The following UBE2Z variants were observed in gnomAD, a reference collection of about 807,000 sequenced individuals.
UBE2Z encodes the protein ubiquitin conjugating enzyme E2 Z.
UBE2Z carries 10 observed loss-of-function variants against 32.6 expected under a neutral mutation model. The observed-to-expected ratio is 0.31, with a 90% confidence interval of 0.19 to 0.52. UBE2Z has a LOEUF of 0.52. Ranked by LOEUF, UBE2Z falls within the 20% of genes least tolerant of loss-of-function variation. UBE2Z has a pLI of 0.97. For synonymous variants in UBE2Z, 183 were observed against 190.8 expected (o/e 0.96, Z 0.34); for missense variants, 343 against 480.9 (o/e 0.71, Z 2.68).
intron 4 of UBE2Z, among the ~76,000 whole-genome samples, chr17:48,916,586 TTTTTG>T (rs77094622): frequency 1.4e-3 from 208 of 149,042 alleles, no homozygotes; most frequent in African/African-American, 3.3e-3. Context: ...TGGGAGGTTT[TTTTTG>T]TTTTGTTTTG....
intron 6 of UBE2Z, among the ~76,000 whole-genome samples, chr17:48,924,747 G>A (rs2040785673): frequency 6.7e-6 from 1 of 149,466 alleles, no homozygotes; most frequent in South Asian, 2.1e-4. Context: ...TTGGGAAGCT[G>A]AGGGATGAGA....
At chr17:48,923,170 A>C in intron 6 of UBE2Z, 1 of 337,672 alleles carries the variant, frequency 3.0e-6, no homozygotes, top group Non-Finnish European at 5.7e-6. Context: ...AAATACAAAA[A>C]ATTAGCCGGG....
chr17:48,910,728 T>C (rs1430955091), intron 1 of UBE2Z, 80 bp from the exon 2 acceptor site: 20 of 1,093,074 alleles, frequency 1.8e-5, no homozygotes, highest in Non-Finnish European at 2.5e-5. Flanking sequence ...ATTGAGGTGA[T>C]AACAACTGTC....
chr17:48,908,576 G>A lies in UBE2Z; in HGVS notation c.73G>A (p.Ala25Thr). 1 of 1,240,476 alleles carries A rather than the reference G, an allele frequency of 8.1e-7. No individual in the cohort carries two copies. Among genetic ancestry groups the A allele is most frequent in the Non-Finnish European group, 1.0e-6 (1 of 989,482 alleles). 76.8% of individuals were successfully genotyped at this position (1,240,476 alleles called of 1,614,324 possible). A position where few individuals can be genotyped will look rare whatever the true frequency, so the allele number is the denominator to read the frequency against. Residue 25 changes from alanine (A) to threonine (T), a missense_variant, in exon 1 of 7, where the codon GCT becomes ACT. Coordinates refer to ENST00000360943, the MANE Select transcript of UBE2Z (RefSeq NM_023079.5). ...GAAGPGASSV[A>T]GVVGVSGSGG... ...GGCGGGCCCCGGGGCGAGCAGCGTT[G>A]CTGGTGTTGTTGGCGTTAGCGGCAG...
In UBE2Z at chr17:48,922,864, C is replaced by A; in HGVS notation, c.821C>A (p.Ser274Tyr). Residue 274 changes from serine to tyrosine, a missense_variant, in exon 6 of 7, where the codon TCC becomes TAC. Physicochemically the swap from Ser to Tyr is moderately radical, Grantham distance 144. Transcript: ENST00000360943. ...TTTTCCAGAGGGGTGATGGAGAAGT[C>A]CTTTCTGGAGTATTACGACTTCTAC... ...PEPLRGVMEK[S>Y]FLEYYDFYEV... 6.2e-7 allele frequency: 1 copy of A among 1,612,166 alleles called. No individual in the cohort carries two copies. The highest frequency in any genetic ancestry group is 8.5e-7 in the Non-Finnish European group (1 of 1,178,648).
intron 4 of UBE2Z, among the ~76,000 whole-genome samples, chr17:48,918,373 A>G (rs12451879): frequency 0.41 from 62,559 of 151,826 alleles, 15,405 homozygotes; most frequent in East Asian, 0.71. Context: ...TCACTCCATC[A>G]CTCAGGCTGG....
rs2040756589 is a variant in UBE2Z at position 48,921,265 on chromosome 17, C to T, written c.796C>T (p.Pro266Ser). The change falls in exon 5 of 7, where the codon CCC becomes TCC. Residue 266 changes from proline to serine, a missense_variant. Physicochemically the swap from Pro to Ser is moderately conservative, Grantham distance 74. Transcript: ENST00000360943. ...MMEGKCPCPE[P>S]LRGVMEKSFL... ...GGAAGGAAAGTGTCCCTGTCCTGAA[C>T]CCCTACGGTATGTGTCAAGCGGGCT... 3.1e-6 allele frequency: 5 copies of T among 1,610,292 alleles called. No homozygotes were observed. Among genetic ancestry groups the T allele is most frequent in the South Asian group, 1.1e-5 (1 of 90,164 alleles).
intron 6 of UBE2Z, among the ~76,000 whole-genome samples, chr17:48,925,027 G>A (rs62075844): frequency 0.41 from 62,370 of 151,342 alleles, 15,362 homozygotes; most frequent in East Asian, 0.71. Context: ...TCATGCCTGT[G>A]ATCCCAGTAC....
At position 48,928,252 on chromosome 17, in the gene UBE2Z, T is replaced by G. The variant is rs2040810784; in HGVS notation, c.*1118T>G. The G allele has an allele frequency of 6.6e-6, 1 of 152,418 alleles. No individual in the cohort carries two copies. Among genetic ancestry groups the G allele is most frequent in the African/African-American group, 2.4e-5 (1 of 41,444 alleles). The allele number at this position is 152,418 out of a possible 1,614,324, so 9.4% of individuals were successfully genotyped here. On this transcript the variant is annotated 3_prime_UTR_variant, in exon 7 of 7. Coordinates refer to ENST00000360943, the MANE Select transcript of UBE2Z (RefSeq NM_023079.5). ...GCCTCCCCCGTGCCCCCAGCTGCTCTTGTCACTGTCTCTGATGGGTATTTG... is the reference window on the plus strand; with the variant it reads ...GCCTCCCCCGTGCCCCCAGCTGCTCGTGTCACTGTCTCTGATGGGTATTTG...
At chr17:48,912,760 T>C (rs368007391) in intron 2 of UBE2Z, 74 bp from the exon 3 acceptor site, 4 of 1,533,116 alleles carry the variant, frequency 2.6e-6, no homozygotes, top group Non-Finnish European at 3.6e-6. Context: ...GTGTGGGTAG[T>C]AGGTGGAGGG....
At chr17:48,915,706 C>T (rs1057094493) in intron 3 of UBE2Z, 1 of 228,582 alleles carries the variant, frequency 4.4e-6, no homozygotes, top group African/African-American at 2.4e-5. Flanking sequence ...AACTCCATCA[C>T]CACCCATAAA....
chr17:48,928,789 G>A lies in UBE2Z; in HGVS notation c.*1655G>A, dbSNP rs1567781877. The A allele has an allele frequency of 6.6e-6, 1 of 152,658 alleles. No individual in the cohort carries two copies. The highest frequency in any genetic ancestry group is 1.5e-5 in the Non-Finnish European group (1 of 68,070). The allele number at this position is 152,658 out of a possible 1,614,324, so 9.5% of individuals were successfully genotyped here. ...CTTCCATTCCTCGAGCTACTCCAGG[G>A]CTTAGAAGAATGCTCTTGGTCTGTG... is the stretch of plus-strand genomic sequence containing the variant. On this transcript the variant is annotated 3_prime_UTR_variant, in exon 7 of 7. Coordinates refer to ENST00000360943, the MANE Select transcript of UBE2Z (RefSeq NM_023079.5).
In UBE2Z at chr17:48,910,812, A is replaced by G; in HGVS notation, c.322A>G (p.Ile108Val). 6.2e-7 allele frequency: 1 copy of G among 1,612,208 alleles called. No individual in the cohort carries two copies. Among genetic ancestry groups the G allele is most frequent in the Non-Finnish European group, 8.5e-7 (1 of 1,178,558 alleles). The change falls in exon 2 of 7, where the codon ATC becomes GTC. Residue 108 changes from isoleucine (I) to valine (V), a missense_variant. Physicochemically the swap from Ile to Val is conservative, Grantham distance 29. This residue lies in a region of UBE2Z where 55 missense variants were observed against 56.2 expected (regional missense o/e 0.98). Transcript: ENST00000360943. ...CCTCCTCTTGGTGTTATACAGGGAT[A>G]TCATGTCCATTTATAAGGAGCCTCC... ...PQCLLRIKRD[I>V]MSIYKEPPPG...
chr17:48,914,173 G>A (rs1038209572), intron 3 of UBE2Z, among the ~76,000 whole-genome samples: 1 of 152,144 alleles, frequency 6.6e-6, no homozygotes, highest in African/African-American at 2.4e-5. Context: ...TGCCTTTGGG[G>A]GCTGAAAACT....
rs186520764 is a variant in UBE2Z at position 48,926,336 on chromosome 17, T to C, written c.895-628T>C. 2.6e-5 allele frequency among the ~76,000 whole-genome samples: 4 copies of C among 152,380 alleles called. No homozygotes were observed. The East Asian group carries it at 5.8e-4, about 22-fold the overall frequency. On this transcript the variant is annotated intron_variant, in intron 6 of 6. Coordinates refer to ENST00000360943, the MANE Select transcript of UBE2Z (RefSeq NM_023079.5). ...AAAACATAGGCATACTTAACAATTA[T>C]AATTCTGGTCTTGAATTTCTCATTC...
At chr17:48,923,568 G>A (rs1302189960) in intron 6 of UBE2Z, among the ~76,000 whole-genome samples, 2 of 151,794 alleles carry the variant, frequency 1.3e-5, no homozygotes, top group African/African-American at 4.8e-5. Context: ...GGAGGCCGAG[G>A]TTGCAGTGAG....
Position 48,910,880 on chromosome 17 carries a change from G to A in UBE2Z, c.390G>A (p.Lys130=). The A allele has an allele frequency of 6.2e-7, 1 of 1,613,208 alleles. No homozygotes were observed. Among genetic ancestry groups the A allele is most frequent in the Non-Finnish European group, 8.5e-7 (1 of 1,179,360 alleles). The change falls in exon 2 of 7, where the codon AAG becomes AAA. Residue 130 remains lysine (K), a splice_region_variant and synonymous_variant. Transcript: ENST00000360943. ...TACCTGATACTGTTGACATGACTAA[G>A]GTATGTAACTTGATGGGGGTTTGGG... ...FVVPDTVDMT[K]IHALITGPFD...
chr17:48,913,114 A>G, intron 3 of UBE2Z, 93 bp downstream of exon 3: 1 of 1,248,222 alleles, frequency 8.0e-7, no homozygotes. Flanking sequence ...TCTGAACTAC[A>G]GAACACAGAA....
At chr17:48,919,395 C>T (rs933869473) in intron 4 of UBE2Z, among the ~76,000 whole-genome samples, 1 of 152,212 alleles carries the variant, frequency 6.6e-6, no homozygotes, top group Non-Finnish European at 1.5e-5. Flanking sequence ...CTTCTATTCA[C>T]ACCATAGTGA....
Sources: gnomAD v4.1 joint callset for allele counts (sites outside exome capture counted in the v4.1 genomes callset) on GRCh38, gnomAD v4.1.1 for gene constraint, gnomAD v4.1.1 regional missense constraint, MANE v1.5 for transcripts, NCBI Gene and HGNC (gene_info 2026-07-23, HGNC 2026-07-21) for gene names.